Variants in ABHD3 observed in about 807,000 individuals in gnomAD.
ABHD3 encodes phospholipase ABHD3.
Under a neutral mutation model 48.8 loss-of-function variants are expected in ABHD3, and 46 were observed. That is an observed-to-expected ratio of 0.94 (90% CI 0.74 to 1.20). The LOEUF (loss-of-function observed/expected upper bound fraction) is 1.20, where lower values mean the gene tolerates loss of function less well. Ranked by LOEUF, ABHD3 falls within the 50% of genes most tolerant of loss-of-function variation. The pLI is 0.00. For synonymous variants in ABHD3, 192 were observed against 183.7 expected (o/e 1.04, Z -0.36); for missense variants, 490 against 497.8 (o/e 0.98, Z 0.15).
intron 4 of ABHD3, chr18:21,673,739 G>A (rs1598530734): frequency 6.6e-6 from 1 of 152,316 alleles, no homozygotes; most frequent in Admixed American, 6.6e-5. Context: ...CTGAGTAGCT[G>A]GGATTAGAGG....
rs573493871 is a variant in ABHD3, at chr18:21,651,646, C to T, written c.1175G>A (p.Arg392His). 6 of 1,614,054 alleles carry T rather than the reference C, an allele frequency of 3.7e-6. No homozygotes were observed. In the African/African-American group the frequency reaches 8.0e-5, roughly 22 times the overall value. ...GGCTTGCACAAATTGCTTGAAGACACGATCCATGTAAGTGGACTGTCTTGG... is the reference window on the plus strand; with the variant it reads ...GGCTTGCACAAATTGCTTGAAGACATGATCCATGTAAGTGGACTGTCTTGG... ...IWPRQSTYMDRVFKQFVQAMV... is the reference protein window; with the variant it reads ...IWPRQSTYMDHVFKQFVQAMV... The change falls in exon 9 of 9, where the codon CGT (arginine) becomes CAT (histidine). Residue 392 changes from arginine (R) to histidine (H), a missense_variant. Arg to His is a conservative substitution (Grantham distance 29). Transcript: ENST00000289119.
intron 3 of ABHD3, among the ~76,000 whole-genome samples, chr18:21,691,347 AAAGAT>A (rs532486385): frequency 9.1e-4 from 138 of 152,322 alleles, no homozygotes; most frequent in African/African-American, 3.2e-3. Flanking sequence ...TCTATCGATA[AAAGAT>A]AAAAGTGAGC....
At chr18:21,695,457 T>A (rs2040349244) in intron 3 of ABHD3, among the ~76,000 whole-genome samples, 1 of 152,232 alleles carries the variant, frequency 6.6e-6, no homozygotes, top group South Asian at 2.1e-4. Context: ...CTGCTTTTTT[T>A]CTCCTTCTTG....
rs556640083 is a variant in ABHD3, at chr18:21,700,421, G to A, written c.509+1895C>T. Reference sequence around the variant, plus strand: ...TTTTTGTTTTTATTTTTTTTGAGACGGAGTTTTGCTCTTATTGCCCAGGCT... The same window carrying A: ...TTTTTGTTTTTATTTTTTTTGAGACAGAGTTTTGCTCTTATTGCCCAGGCT... On this transcript the variant is annotated intron_variant, in intron 3 of 8. Coordinates refer to ENST00000289119, the MANE Select transcript of ABHD3 (RefSeq NM_138340.5). 1.3e-4 allele frequency among the ~76,000 whole-genome samples: 18 copies of A among 143,654 alleles called. 1 individual carries two copies. The highest frequency in any genetic ancestry group is 2.9e-4 in the African/African-American group (11 of 38,328). 94.2% of individuals were successfully genotyped at this position (143,654 alleles called of 152,430 possible).
At chr18:21,665,060 T>C (rs187106424) in intron 4 of ABHD3, among the ~76,000 whole-genome samples, 92 of 152,108 alleles carry the variant, frequency 6.0e-4, no homozygotes, top group African/African-American at 2.1e-3. Flanking sequence ...TTTTCCTGCC[T>C]CACTCCCCTG....
intron 4 of ABHD3, chr18:21,682,312 A>G (rs1216066866): frequency 6.6e-6 from 1 of 152,274 alleles, no homozygotes; most frequent in Non-Finnish European, 1.5e-5. Flanking sequence ...TACGCACTTT[A>G]TAATACCTTG....
intron 4 of ABHD3, among the ~76,000 whole-genome samples, chr18:21,669,914 T>C (rs567955094): frequency 2.0e-5 from 3 of 151,956 alleles, no homozygotes; most frequent in African/African-American, 4.8e-5. Flanking sequence ...CAGCAGTTCA[T>C]ATGGAAGGCG....
chr18:21,667,919 G>T (rs891112948), intron 4 of ABHD3, among the ~76,000 whole-genome samples: 11 of 151,994 alleles, frequency 7.2e-5, no homozygotes, highest in Admixed American at 5.2e-4. Context: ...ATCTTCTAGT[G>T]GCCAGGGGTG....
intron 3 of ABHD3, among the ~76,000 whole-genome samples, chr18:21,697,844 T>G (rs1422748563): frequency 6.6e-6 from 1 of 152,204 alleles, no homozygotes; most frequent in Non-Finnish European, 1.5e-5. Context: ...AACAATGGTT[T>G]AACATCAACA....
intron 4 of ABHD3, among the ~76,000 whole-genome samples, chr18:21,667,570 A>G (rs1475116988): frequency 6.6e-6 from 1 of 152,100 alleles, no homozygotes; most frequent in Non-Finnish European, 1.5e-5. Flanking sequence ...AATTGCCTCA[A>G]TTAAACTCAT....
intron 4 of ABHD3, among the ~76,000 whole-genome samples, chr18:21,666,818 T>C (rs1486550205): frequency 1.3e-5 from 2 of 152,166 alleles, no homozygotes; most frequent in Non-Finnish European, 2.9e-5. Context: ...TCACGGATGC[T>C]TCACTTGAGA....
chr18:21,667,719 AG>A lies in ABHD3; in HGVS notation c.556-3490del, dbSNP rs557443756. ...TTAAATTTGTGTCCACAAAACCCTG[AG>A]GAAGATCCCAGTGTATCTATTTTAT... is the stretch of plus-strand genomic sequence containing the variant. On this transcript the variant is annotated intron_variant, in intron 4 of 8. Transcript: ENST00000289119. Among the ~76,000 whole-genome samples, 1,083 of 152,282 alleles carry A rather than the reference AG, an allele frequency of 7.1e-3. 8 individuals are homozygous for A. The highest frequency in any genetic ancestry group is 0.011 in the Non-Finnish European group (731 of 68,018).
At chr18:21,651,860 G>T in intron 8 of ABHD3, 97 bp from the exon 9 acceptor site, 1 of 1,115,832 alleles carries the variant, frequency 9.0e-7, no homozygotes, top group Non-Finnish European at 1.2e-6. Flanking sequence ...CCTTTATCAT[G>T]TCTAATAAAC....
chr18:21,703,838 C>T (rs1367953557), intron 1 of ABHD3, 91 bp from the exon 2 acceptor site: 4 of 1,432,384 alleles, frequency 2.8e-6, no homozygotes, highest in Non-Finnish European at 3.8e-6. Flanking sequence ...CGCTCGCGCG[C>T]GCGCTTCCTC....
chr18:21,655,566 G>A (rs2039327163), intron 8 of ABHD3, among the ~76,000 whole-genome samples: 1 of 152,190 alleles, frequency 6.6e-6, no homozygotes, highest in African/African-American at 2.4e-5. Context: ...TTGGCGGGGT[G>A]TGGTGGCTCA....
chr18:21,659,323 A>T lies in ABHD3; in HGVS notation c.689T>A (p.Leu230Ter). Residue 230 changes from leucine to a stop codon, truncating the protein, a stop_gained, in exon 6 of 9, where the codon TTG (leucine) becomes TAG (stop). Coordinates refer to ENST00000289119, the MANE Select transcript of ABHD3 (RefSeq NM_138340.5). LOFTEE classifies it high-confidence loss of function. ...AGGCGTTTTGGACCCAATTTTGCCCAAGTAATTTAGAAGCAGCATTCTAAA... is the reference window on the plus strand; with the variant it reads ...AGGCGTTTTGGACCCAATTTTGCCCTAGTAATTTAGAAGCAGCATTCTAAA... ...SMGGMLLLNY[L>*]GKIGSKTPLM... 1 of 1,609,676 alleles carries T rather than the reference A, an allele frequency of 6.2e-7. No homozygotes were observed.
Position 21,651,387 on chromosome 18 carries a change from CGTAA to C in ABHD3, c.*200_*203del, listed in dbSNP as rs1474056962. The stretch of plus-strand genomic sequence containing the variant: ...TAAGGCATAGTAAAAATAAAATCTA[CGTAA>C]GTAACAATCTAATACTATATTTAAT... On this transcript the variant is annotated 3_prime_UTR_variant, in exon 9 of 9. Transcript: ENST00000289119. 6.8e-6 allele frequency: 3 copies of C among 438,676 alleles called. No homozygotes were observed. Among genetic ancestry groups the C allele is most frequent in the Non-Finnish European group, 1.2e-5 (3 of 256,066 alleles). 27.2% of individuals were successfully genotyped at this position (438,676 alleles called of 1,614,324 possible). A position where few individuals can be genotyped will look rare whatever the true frequency, so the allele number is the denominator to read the frequency against.
intron 4 of ABHD3, among the ~76,000 whole-genome samples, chr18:21,680,854 G>GTGTATA (rs200692766): frequency 1.6e-5 from 2 of 124,642 alleles, no homozygotes; most frequent in African/African-American, 5.8e-5. Flanking sequence ...TTTTTCAAAT[G>GTGTATA]TGTGTGTGTG....
intron 8 of ABHD3, 99 bp downstream of exon 8, chr18:21,656,762 A>G: frequency 8.5e-7 from 1 of 1,175,198 alleles, no homozygotes; most frequent in Non-Finnish European, 1.2e-6. Flanking sequence ...TTTTATCATA[A>G]TGGAAATGAC....
Sources: allele counts gnomAD v4.1 joint callset (sites outside exome capture counted in the v4.1 genomes callset), GRCh38; gene constraint gnomAD v4.1.1; transcripts MANE v1.5; gene names NCBI Gene and HGNC (gene_info 2026-07-23, HGNC 2026-07-21).